Variants in GABRG3 observed in about 807,000 individuals in gnomAD.
GABRG3 encodes the protein gamma-aminobutyric acid type A receptor subunit gamma3.
In GABRG3, 25 loss-of-function variants were observed where a neutral mutation model predicts 48.8. That is an observed-to-expected ratio of 0.51 (90% CI 0.37 to 0.72). The LOEUF is 0.72. Among genes scored for constraint, GABRG3 ranks in the 30% least tolerant of loss-of-function variants. The pLI is 0.00. For synonymous variants in GABRG3, 227 were observed against 217.6 expected (o/e 1.04, Z -0.38); for missense variants, 394 against 577.9 (o/e 0.68, Z 3.26).
chr15:26,971,358 T>A lies in GABRG3; in HGVS notation c.-178T>A, dbSNP rs1430009560. The A allele has an allele frequency of 1.3e-5, 5 of 379,002 alleles. No homozygotes were observed. Among genetic ancestry groups the A allele is most frequent in the Non-Finnish European group, 2.3e-5 (5 of 221,112 alleles). 23.5% of individuals were successfully genotyped at this position (379,002 alleles called of 1,614,324 possible). A position where few individuals can be genotyped will look rare whatever the true frequency, so the allele number is the denominator to read the frequency against. On this transcript the variant is annotated 5_prime_UTR_variant, in exon 1 of 10. Coordinates refer to ENST00000615808, the MANE Select transcript of GABRG3 (RefSeq NM_033223.5). ...GCGGTGGCCCGGCGTCCCGTGTGCG[T>A]CCAGTGTGCGCCCCGCGGGGGCGCG...
intron 5 of GABRG3, among the ~76,000 whole-genome samples, chr15:27,477,273 C>T (rs1398956733): frequency 1.3e-5 from 2 of 152,170 alleles, no homozygotes; most frequent in East Asian, 3.9e-4. Flanking sequence ...GCTATTAAGC[C>T]ATGAAGACAG....
chr15:27,369,539 C>T (rs190203089), intron 5 of GABRG3, among the ~76,000 whole-genome samples: 123 of 152,200 alleles, frequency 8.1e-4, no homozygotes, highest in Non-Finnish European at 1.4e-3. Flanking sequence ...TGGTATTGGC[C>T]GGGCGCGGTG....
chr15:27,216,647 C>T (rs1434533479), intron 3 of GABRG3, among the ~76,000 whole-genome samples: 1 of 152,118 alleles, frequency 6.6e-6, no homozygotes, highest in East Asian at 1.9e-4. Flanking sequence ...CAAAGCAGAG[C>T]TCATGCTGTG....
At chr15:27,172,533 C>T (rs574150388) in intron 3 of GABRG3, among the ~76,000 whole-genome samples, 1 of 152,150 alleles carries the variant, frequency 6.6e-6, no homozygotes, top group Non-Finnish European at 1.5e-5. Context: ...GCAAATTAAA[C>T]TCCTCTGCGA....
At chr15:27,510,465 A>T (rs1315463627) in intron 6 of GABRG3, among the ~76,000 whole-genome samples, 1 of 152,110 alleles carries the variant, frequency 6.6e-6, no homozygotes, top group Non-Finnish European at 1.5e-5. Context: ...GTGTACTGAG[A>T]CATTTGCTTC....
At chr15:27,025,646 T>G (rs1895971813) in intron 2 of GABRG3, among the ~76,000 whole-genome samples, 1 of 152,218 alleles carries the variant, frequency 6.6e-6, no homozygotes. Context: ...CAGACCAGTT[T>G]ATGTGCAATT....
chr15:27,158,071 C>T (rs769777588), intron 3 of GABRG3: 2 of 152,114 alleles, frequency 1.3e-5, no homozygotes, highest in Admixed American at 6.5e-5. Context: ...GCTGGCTCTC[C>T]GGGTTTTTTC....
At chr15:26,991,078 C>T (rs1039703902) in intron 2 of GABRG3, among the ~76,000 whole-genome samples, 13 of 152,210 alleles carry the variant, frequency 8.5e-5, no homozygotes, top group East Asian at 3.9e-4. Context: ...GCTGTTATTA[C>T]GTGATGTGAT....
At chr15:27,384,388 A>G (rs546369170) in intron 5 of GABRG3, among the ~76,000 whole-genome samples, 1 of 152,336 alleles carries the variant, frequency 6.6e-6, no homozygotes, top group South Asian at 2.1e-4. Flanking sequence ...GATTCCAGTC[A>G]TCCTATCACA....
chr15:27,053,810 T>C (rs1207446508), intron 3 of GABRG3, among the ~76,000 whole-genome samples: 7 of 152,216 alleles, frequency 4.6e-5, no homozygotes, highest in Non-Finnish European at 1.0e-4. Flanking sequence ...AATGAAGGCA[T>C]ATCCTTTGCA....
intron 3 of GABRG3, among the ~76,000 whole-genome samples, chr15:27,193,568 G>C (rs191196662): frequency 0.011 from 1,670 of 150,544 alleles, 14 homozygotes; most frequent in South Asian, 0.021. Context: ...TTAAGCCCTT[G>C]GGAAAAGTGC....
chr15:27,354,151 G>C (rs1453156830), intron 5 of GABRG3, among the ~76,000 whole-genome samples: 1 of 152,156 alleles, frequency 6.6e-6, no homozygotes, highest in East Asian at 1.9e-4. Flanking sequence ...CTCATAGCCT[G>C]AAAAATTATG....
At chr15:27,101,993 C>T (rs530513752) in intron 3 of GABRG3, among the ~76,000 whole-genome samples, 30 of 152,304 alleles carry the variant, frequency 2.0e-4, no homozygotes, top group African/African-American at 7.2e-4. Context: ...AGACTTTAAC[C>T]TCACATCCTA....
At chr15:27,146,973 C>A (rs760002408) in intron 3 of GABRG3, among the ~76,000 whole-genome samples, 1 of 151,914 alleles carries the variant, frequency 6.6e-6, no homozygotes, top group African/African-American at 2.4e-5. Context: ...TTAAATATTG[C>A]AGTCAAAAGG....
At chr15:27,191,498 T>C (rs1411522084) in intron 3 of GABRG3, among the ~76,000 whole-genome samples, 3 of 152,210 alleles carry the variant, frequency 2.0e-5, no homozygotes, top group Admixed American at 6.5e-5. Flanking sequence ...TTGTCTCTTT[T>C]GATCTTTGTT....
At chr15:27,468,816 G>C (rs755978562) in intron 5 of GABRG3, among the ~76,000 whole-genome samples, 1 of 151,560 alleles carries the variant, frequency 6.6e-6, no homozygotes, top group Non-Finnish European at 1.5e-5. Context: ...AGCTTAATAA[G>C]AAAAGAAAAA....
chr15:27,344,086 C>T (rs1894282497), intron 5 of GABRG3, among the ~76,000 whole-genome samples: 8 of 152,232 alleles, frequency 5.3e-5, no homozygotes, highest in Admixed American at 5.2e-4. Context: ...GAAGGCTGTA[C>T]TTCCAGAGAA....
At chr15:27,048,792 A>G (rs1413484252) in intron 3 of GABRG3, among the ~76,000 whole-genome samples, 1 of 152,198 alleles carries the variant, frequency 6.6e-6, no homozygotes, top group East Asian at 1.9e-4. Flanking sequence ...GGTTGTGGCA[A>G]CCTCATCTCA....
chr15:27,026,565 G>A (rs1284191096), intron 2 of GABRG3, among the ~76,000 whole-genome samples, 189 bp from the exon 3 acceptor site: 3 of 152,218 alleles, frequency 2.0e-5, no homozygotes, highest in East Asian at 3.9e-4. Flanking sequence ...CTCATCCTTC[G>A]AGAATTTTGA....
Sources: allele counts gnomAD v4.1 joint callset (sites outside exome capture counted in the v4.1 genomes callset), GRCh38; gene constraint gnomAD v4.1.1; transcripts MANE v1.5; gene names NCBI Gene and HGNC (gene_info 2026-07-23, HGNC 2026-07-21).